MTFR1: variants seen among roughly 807,000 people sequenced by gnomAD.
The protein encoded by MTFR1 is chondrocyte protein with a poly-proline region.
A neutral mutation model predicts 38.8 loss-of-function variants in MTFR1; 28 were observed. That is an observed-to-expected ratio of 0.72 (90% confidence interval 0.53 to 0.99). The LOEUF is 0.99. MTFR1 is among the 50% of genes least tolerant of loss of function. The probability of loss-of-function intolerance (pLI) is 0.00; values close to 1 mark genes in which losing one functional copy is unlikely to be tolerated. For missense variants in MTFR1, 358 were observed against 395.5 expected, an observed-to-expected ratio of 0.91 and a Z score of 0.81; for synonymous variants, 145 against 137.0, an observed-to-expected ratio of 1.06 and a Z score of -0.41.
At chr8:65,738,264 T>C (rs921532657) in intron 3 of MTFR1, among the ~76,000 whole-genome samples, 9 of 127,948 alleles carry the variant, frequency 7.0e-5, no homozygotes, top group Admixed American at 5.0e-4. Context: ...TAAGCAAAAT[T>C]GTATATAACC....
intron 3 of MTFR1, among the ~76,000 whole-genome samples, chr8:65,738,715 G>T (rs774322817): frequency 3.9e-5 from 6 of 152,324 alleles, no homozygotes; most frequent in Non-Finnish European, 4.4e-5. Context: ...TTACAGGTGT[G>T]AGCCACCACA....
chr8:65,768,832 A>G (rs983057404), intron 3 of MTFR1, among the ~76,000 whole-genome samples: 2 of 152,216 alleles, frequency 1.3e-5, no homozygotes, highest in South Asian at 4.1e-4. Context: ...TGCTAGAATA[A>G]TAGATAATAA....
At position 65,707,055 on chromosome 8, in the gene MTFR1, C is replaced by CAACA; in HGVS notation, c.564_565insACAA (p.Pro189ThrfsTer22). 1 of 1,608,472 alleles carries CAACA rather than the reference C, an allele frequency of 6.2e-7. No individual in the cohort carries two copies. Among genetic ancestry groups the CAACA allele is most frequent in the Non-Finnish European group, 8.5e-7 (1 of 1,176,324 alleles). ...TTTGGTACCATACCACCACACCCTCCACCTCCCCCACCGCCCCTGCCTCCC... is the reference window on the plus strand; with the variant it reads ...TTTGGTACCATACCACCACACCCTCCAACAACCTCCCCCACCGCCCCTGCCTCCC... On this transcript the variant is annotated frameshift_variant, in exon 6 of 8. Coordinates refer to ENST00000262146, the MANE Select transcript of MTFR1 (RefSeq NM_014637.4). LOFTEE classifies it high-confidence loss of function.
chr8:65,652,333 C>CTCCTGCCTCTGCCTCCACCTCCCAA (rs1336677898), intron 1 of MTFR1, among the ~76,000 whole-genome samples: 4 of 152,120 alleles, frequency 2.6e-5, no homozygotes, highest in African/African-American at 9.7e-5. Flanking sequence ...TCAAGTGATC[C>CTCCTGCCTCTGCCTCCACCTCCCAA]TCCTGCCTCT....
rs1295965698 is a variant in MTFR1 at position 65,730,171 on chromosome 8, C to CTTCTTTTTTTT, written c.*48+10692_*48+10693insCTTTTTTTTTT. On this transcript the variant is annotated intron_variant, in intron 3 of 3. Coordinates refer to the MTFR1 transcript ENST00000521247. Reference sequence around the variant, plus strand: ...TGTGAGGGATCCAGGTTGCGCACTTCTTTTTTTTTTTTTTTTTTTTTTTTT... The same window carrying CTTCTTTTTTTT: ...TGTGAGGGATCCAGGTTGCGCACTTCTTCTTTTTTTTTTTTTTTTTTTTTTTTTTTTTTTTT... Among the ~76,000 whole-genome samples the CTTCTTTTTTTT allele has an allele frequency of 8.2e-4, 71 of 86,450 alleles. 12 individuals are homozygous for CTTCTTTTTTTT. The highest frequency in any genetic ancestry group is 1.4e-3 in the South Asian group (3 of 2,108). The allele number at this position is 86,450 out of a possible 152,430, so 56.7% of individuals were successfully genotyped here.
At chr8:65,754,788 A>C (rs1231364718) in intron 3 of MTFR1, among the ~76,000 whole-genome samples, 2 of 149,672 alleles carry the variant, frequency 1.3e-5, no homozygotes, top group Admixed American at 6.6e-5. Context: ...AAGAAGATGA[A>C]GCCCCGTCTC....
intron 3 of MTFR1, among the ~76,000 whole-genome samples, chr8:65,754,363 C>T (rs1266763208): frequency 2.6e-5 from 4 of 152,034 alleles, no homozygotes; most frequent in Admixed American, 1.3e-4. Context: ...ATCCTTCAAT[C>T]CAATCAAGTT....
intron 2 of MTFR1, among the ~76,000 whole-genome samples, chr8:65,673,834 A>C (rs946315546): frequency 6.6e-6 from 1 of 152,068 alleles, no homozygotes; most frequent in Admixed American, 6.6e-5. Flanking sequence ...TGAACCCAGG[A>C]GGCGGAGTTT....
chr8:65,704,841 G>A lies in MTFR1; in HGVS notation c.429G>A (p.Lys143=). Residue 143 remains lysine (K), a synonymous_variant, in exon 5 of 8, where the codon AAG becomes AAA. Coordinates refer to ENST00000262146, the MANE Select transcript of MTFR1 (RefSeq NM_014637.4). Reference sequence around the variant, plus strand: ...TGGCAAATGAGGAAGCACTGCAGAAGATTTGCGCTCTCGAAAATGAACTTG... The same window carrying A: ...TGGCAAATGAGGAAGCACTGCAGAAAATTTGCGCTCTCGAAAATGAACTTG... The part of the protein sequence containing the change: ...PALANEEALQ[K]ICALENELAA... 6.2e-7 allele frequency: 1 copy of A among 1,614,128 alleles called. No individual in the cohort carries two copies. The highest frequency in any genetic ancestry group is 2.2e-5 in the East Asian group (1 of 44,880).
At chr8:65,710,841 C>A (rs930420716), downstream of MTFR1, among the ~76,000 whole-genome samples, 2 of 152,158 alleles carry the variant, frequency 1.3e-5, no homozygotes, top group African/African-American at 4.8e-5. Flanking sequence ...ACACCCACGT[C>A]ATTCAGTTTC....
chr8:65,755,366 G>C (rs1006979676), intron 3 of MTFR1, among the ~76,000 whole-genome samples: 3 of 151,936 alleles, frequency 2.0e-5, no homozygotes, highest in Non-Finnish European at 2.9e-5. Flanking sequence ...GTTTTGTTTT[G>C]TTTGTGCATC....
At chr8:65,736,580 T>G (rs752646258) in intron 3 of MTFR1, among the ~76,000 whole-genome samples, 29 of 151,866 alleles carry the variant, frequency 1.9e-4, no homozygotes, top group Non-Finnish European at 3.8e-4. Flanking sequence ...AGCAAGACCT[T>G]GTCCCTACTA....
At chr8:65,708,340 G>T in intron 7 of MTFR1, 6 of 377,356 alleles carry the variant, frequency 1.6e-5, no homozygotes, top group South Asian at 7.2e-5. Flanking sequence ...TTCTATGCAG[G>T]GTTATATTTT....
chr8:65,720,041 C>A (rs773341301), intron 3 of MTFR1, among the ~76,000 whole-genome samples: 5 of 152,192 alleles, frequency 3.3e-5, no homozygotes, highest in Non-Finnish European at 7.3e-5. Context: ...TGATAAGAGT[C>A]AGTCTAAAAA....
chr8:65,644,157 A>C (rs2129045918), upstream of MTFR1, among the ~76,000 whole-genome samples: 1 of 152,340 alleles, frequency 6.6e-6, no homozygotes, highest in East Asian at 1.9e-4. Flanking sequence ...AGTGTCCTAG[A>C]GTATTCAAAT....
intron 1 of MTFR1, among the ~76,000 whole-genome samples, chr8:65,650,708 CATTT>C (rs758390668): frequency 6.6e-6 from 1 of 152,138 alleles, no homozygotes; most frequent in Non-Finnish European, 1.5e-5. Flanking sequence ...TGTTGATAGA[CATTT>C]ATTTAGTTGC....
intron 2 of MTFR1, chr8:65,719,310 G>A (rs752810107): frequency 9.3e-6 from 15 of 1,613,664 alleles, no homozygotes; most frequent in Non-Finnish European, 1.3e-5. Flanking sequence ...CGATTTTCCT[G>A]AGGTAATAAC....
chr8:65,661,976 C>CA (rs1046240629), intron 1 of MTFR1, among the ~76,000 whole-genome samples: 5 of 150,784 alleles, frequency 3.3e-5, no homozygotes, highest in Non-Finnish European at 5.9e-5. Flanking sequence ...AACAAACAAA[C>CA]AAACAAAAAG....
At chr8:65,705,520 T>G (rs548228189) in intron 5 of MTFR1, among the ~76,000 whole-genome samples, 1 of 152,176 alleles carries the variant, frequency 6.6e-6, no homozygotes, top group African/African-American at 2.4e-5. Context: ...TCCTTTCTAA[T>G]GGGAAACTTA....
Sources: allele counts gnomAD v4.1 joint callset (sites outside exome capture counted in the v4.1 genomes callset), GRCh38; gene constraint gnomAD v4.1.1; transcripts MANE v1.5; gene names NCBI Gene and HGNC (gene_info 2026-07-23, HGNC 2026-07-21).